Variants in MTHFD1L observed in about 807,000 individuals in gnomAD.
MTHFD1L encodes monofunctional C1-tetrahydrofolate synthase, mitochondrial.
In MTHFD1L, 81 loss-of-function variants were observed where a neutral mutation model predicts 119.5. The ratio of observed to expected loss-of-function variants is 0.68; its 90% CI spans 0.57 to 0.82. The LOEUF (loss-of-function observed/expected upper bound fraction) is 0.82, where lower values mean the gene tolerates loss of function less well. MTHFD1L is among the 40% of genes least tolerant of loss of function. MTHFD1L has a pLI of 0.00. For synonymous variants in MTHFD1L, 430 were observed against 475.2 expected (o/e 0.90, Z 1.24); for missense variants, 1,125 against 1,253.4 (o/e 0.90, Z 1.55).
At chr6:151,051,353 C>T (rs1788994942) in intron 26 of MTHFD1L, among the ~76,000 whole-genome samples, 1 of 152,190 alleles carries the variant, frequency 6.6e-6, no homozygotes, top group Admixed American at 6.5e-5. Context: ...TCATTTCAGG[C>T]TGCGTCATCA....
At chr6:151,082,508 T>C (rs1230902572) in intron 26 of MTHFD1L, among the ~76,000 whole-genome samples, 5 of 152,194 alleles carry the variant, frequency 3.3e-5, no homozygotes, top group Non-Finnish European at 7.3e-5. Context: ...CCAGAAAAAT[T>C]AGGGAACAAT....
chr6:150,883,167 G>A (rs1781644928), intron 5 of MTHFD1L, among the ~76,000 whole-genome samples: 1 of 151,910 alleles, frequency 6.6e-6, no homozygotes, highest in Admixed American at 6.6e-5. Flanking sequence ...TGAGTAGCTG[G>A]GATTACAGGC....
chr6:150,872,052 A>G (rs1250203430), intron 1 of MTHFD1L, among the ~76,000 whole-genome samples: 1 of 148,992 alleles, frequency 6.7e-6, no homozygotes, highest in Non-Finnish European at 1.5e-5. Flanking sequence ...TAATTTTTTT[A>G]TTTTTAGTAG....
At chr6:151,029,155 T>C (rs1784987070) in intron 24 of MTHFD1L, among the ~76,000 whole-genome samples, 1 of 151,956 alleles carries the variant, frequency 6.6e-6, no homozygotes, top group African/African-American at 2.4e-5. Flanking sequence ...ACACAGTGGC[T>C]CACACCTGAA....
At chr6:151,099,505 A>C (rs1489453131) in intron 27 of MTHFD1L, 3 of 1,449,502 alleles carry the variant, frequency 2.1e-6, no homozygotes, top group Non-Finnish European at 2.9e-6. Context: ...TGGAGGTGGC[A>C]GCCATCTCCT....
intron 20 of MTHFD1L, among the ~76,000 whole-genome samples, chr6:151,003,017 T>C (rs550789767): frequency 1.3e-5 from 2 of 152,260 alleles, no homozygotes; most frequent in South Asian, 4.1e-4. Flanking sequence ...GGGAGCGGAA[T>C]AGGCAGAACC....
rs1789973016 is a variant in MTHFD1L at position 150,926,323 on chromosome 6, T to C, written c.1256+28T>C. On this transcript the variant is annotated intron_variant, in intron 11 of 27. Coordinates refer to ENST00000367321, the MANE Select transcript of MTHFD1L (RefSeq NM_015440.5). The surrounding 1 kb of genome is among the most constrained non-coding windows in gnomAD (Gnocchi z 4.3). ...AAGACACCATCTAACATCTACTTGA[T>C]CAAGCAGACATATTTACAAAACTCT... 4 of 1,587,744 alleles carry C rather than the reference T, an allele frequency of 2.5e-6. No individual in the cohort carries two copies. Among genetic ancestry groups the C allele is most frequent in the Non-Finnish European group, 3.4e-6 (4 of 1,160,058 alleles).
At chr6:150,927,551 G>C (rs1790245376) in intron 11 of MTHFD1L, among the ~76,000 whole-genome samples, 2 of 151,278 alleles carry the variant, frequency 1.3e-5, no homozygotes, top group South Asian at 4.2e-4. Context: ...CTGCCTCCCG[G>C]GTTCAAGCGA....
At chr6:150,885,494 T>A in intron 5 of MTHFD1L, 140 bp from the exon 6 acceptor site, 1 of 602,316 alleles carries the variant, frequency 1.7e-6, no homozygotes, top group Non-Finnish European at 2.8e-6. Flanking sequence ...CCATGCCTGG[T>A]CCTCTTTAAT....
intron 26 of MTHFD1L, among the ~76,000 whole-genome samples, chr6:151,049,253 A>G (rs900240043): frequency 7.9e-5 from 12 of 152,212 alleles, no homozygotes; most frequent in African/African-American, 2.9e-4. Context: ...GCACTTTGGG[A>G]GGCCGAGGCA....
At position 150,895,876 on chromosome 6, in the gene MTHFD1L, C is replaced by G. The variant is rs529344459; in HGVS notation, c.780+7895C>G. ...TCTCCTTTTAACAGGATGGAATGCA[C>G]TTAAAGCAGTAATGTGCTATGGTGA... On this transcript the variant is annotated intron_variant, in intron 7 of 27. Coordinates refer to ENST00000367321, the MANE Select transcript of MTHFD1L (RefSeq NM_015440.5). Among the ~76,000 whole-genome samples, 4 of 152,146 alleles carry G rather than the reference C, an allele frequency of 2.6e-5. No individual in the cohort carries two copies. In the South Asian group the frequency reaches 8.3e-4, roughly 32 times the overall value.
intron 21 of MTHFD1L, among the ~76,000 whole-genome samples, chr6:151,013,145 C>T (rs1307253283): frequency 6.6e-6 from 1 of 152,130 alleles, no homozygotes; most frequent in African/African-American, 2.4e-5. Flanking sequence ...TTTGAGAGGC[C>T]GAGGTGGGAG....
At chr6:151,079,098 C>T (rs1792861320) in intron 26 of MTHFD1L, among the ~76,000 whole-genome samples, 1 of 152,080 alleles carries the variant, frequency 6.6e-6, no homozygotes, top group Non-Finnish European at 1.5e-5. Flanking sequence ...AACAAAGATA[C>T]AAGACTCCAG....
At chr6:151,089,339 C>T (rs902887075) in intron 26 of MTHFD1L, among the ~76,000 whole-genome samples, 6 of 152,224 alleles carry the variant, frequency 3.9e-5, no homozygotes, top group African/African-American at 7.2e-5. Flanking sequence ...CAGTGGCTCA[C>T]GCCTGTAATC....
intron 20 of MTHFD1L, among the ~76,000 whole-genome samples, chr6:150,976,887 G>A (rs1393058648): frequency 3.9e-5 from 6 of 152,192 alleles, no homozygotes; most frequent in Non-Finnish European, 8.8e-5. Flanking sequence ...GAATTTCTAG[G>A]TAGAACTGAA....
chr6:151,073,757 C>G (rs1392861842), intron 26 of MTHFD1L, among the ~76,000 whole-genome samples: 1 of 151,308 alleles, frequency 6.6e-6, no homozygotes, highest in Non-Finnish European at 1.5e-5. Flanking sequence ...AACTTAAAGA[C>G]ATGCAGTAGA....
intron 7 of MTHFD1L, among the ~76,000 whole-genome samples, chr6:150,896,601 CTTTG>C (rs1784264184): frequency 6.6e-6 from 1 of 152,172 alleles, no homozygotes; most frequent in African/African-American, 2.4e-5. Context: ...GGCCCCTGAG[CTTTG>C]TTTGACAGAT....
chr6:151,057,517 A>C (rs1790117742), intron 26 of MTHFD1L: 1 of 199,960 alleles, frequency 5.0e-6, no homozygotes, highest in Non-Finnish European at 9.0e-6. Flanking sequence ...CTGTAGTCCC[A>C]GCTACTCAGG....
intron 24 of MTHFD1L, among the ~76,000 whole-genome samples, chr6:151,026,488 T>C (rs1216985268): frequency 1.3e-5 from 2 of 152,190 alleles, no homozygotes; most frequent in Non-Finnish European, 2.9e-5. Flanking sequence ...TCTTCCATTG[T>C]GATAGAAAGT....
Sources: allele counts gnomAD v4.1 joint callset (sites outside exome capture counted in the v4.1 genomes callset), GRCh38; gene constraint gnomAD v4.1.1; non-coding constraint Gnocchi (gnomAD v3.1); transcripts MANE v1.5; gene names NCBI Gene and HGNC (gene_info 2026-07-23, HGNC 2026-07-21).